CHST9: variants seen among roughly 807,000 people sequenced by gnomAD.
CHST9 encodes carbohydrate sulfotransferase 9.
In CHST9, 41 loss-of-function variants were observed where a neutral mutation model predicts 44.4. The observed-to-expected ratio is 0.92, with a 90% CI of 0.72 to 1.20. The LOEUF (loss-of-function observed/expected upper bound fraction) is 1.20, where lower values mean the gene tolerates loss of function less well. Ranked by LOEUF, CHST9 falls within the 50% of genes most tolerant of loss-of-function variation. The pLI is 0.00. For missense variants in CHST9, 504 were observed against 516.5 expected (o/e 0.98, Z 0.23); for synonymous variants, 171 against 178.4 (o/e 0.96, Z 0.33).
At chr18:27,113,527 C>T (rs2058293239) in intron 2 of CHST9, among the ~76,000 whole-genome samples, 1 of 152,138 alleles carries the variant, frequency 6.6e-6, no homozygotes, top group African/African-American at 2.4e-5. Context: ...AACCCCAAGG[C>T]CTTGGGAGGT....
At chr18:27,160,424 G>A (rs530084670) in intron 1 of CHST9, among the ~76,000 whole-genome samples, 17 of 152,236 alleles carry the variant, frequency 1.1e-4, no homozygotes, top group African/African-American at 2.2e-4. Flanking sequence ...ATTGATTTGC[G>A]TATGTTGAAC....
intron 2 of CHST9, among the ~76,000 whole-genome samples, chr18:27,112,259 G>GTGTA (rs1260804409): frequency 6.6e-6 from 1 of 151,288 alleles, no homozygotes; most frequent in Non-Finnish European, 1.5e-5. Flanking sequence ...AACCCAGGAT[G>GTGTA]TGTATGTGTG....
intron 3 of CHST9, 90 bp downstream of exon 3, chr18:27,048,375 G>A (rs2143560215): frequency 3.2e-6 from 3 of 927,876 alleles, no homozygotes; most frequent in African/African-American, 1.7e-5. Context: ...ATTAATTTTA[G>A]TGTGAATTTT....
chr18:26,922,122 G>A (rs930243139), intron 5 of CHST9, among the ~76,000 whole-genome samples: 1 of 152,086 alleles, frequency 6.6e-6, no homozygotes, highest in African/African-American at 2.4e-5. Context: ...GCTGGCATTT[G>A]CAGCCTGGTG....
chr18:27,105,583 CTT>C (rs944614187), intron 2 of CHST9, among the ~76,000 whole-genome samples: 5 of 152,124 alleles, frequency 3.3e-5, no homozygotes, highest in African/African-American at 1.2e-4. Flanking sequence ...AGGAAAGAAA[CTT>C]TTGAGAAATA....
At chr18:26,966,755 T>C (rs1342424042) in intron 4 of CHST9, among the ~76,000 whole-genome samples, 1 of 152,152 alleles carries the variant, frequency 6.6e-6, no homozygotes, top group Non-Finnish European at 1.5e-5. Context: ...TGTTATCAAC[T>C]GAACAAGTGA....
At chr18:27,146,197 C>T (rs1302270211) in intron 1 of CHST9, among the ~76,000 whole-genome samples, 1 of 152,136 alleles carries the variant, frequency 6.6e-6, no homozygotes, top group Non-Finnish European at 1.5e-5. Context: ...AGAATTTGCC[C>T]TTCCTTTCTT....
chr18:27,141,474 C>T (rs540236082), intron 2 of CHST9, among the ~76,000 whole-genome samples: 26 of 151,276 alleles, frequency 1.7e-4, no homozygotes, highest in African/African-American at 6.3e-4. Flanking sequence ...GCCTGTAGAC[C>T]CAGCTACTTG....
chr18:27,055,530 A>G (rs1356871808), intron 2 of CHST9, among the ~76,000 whole-genome samples: 1 of 152,186 alleles, frequency 6.6e-6, no homozygotes, highest in East Asian at 1.9e-4. Flanking sequence ...GCAGGGCCAG[A>G]CCTAAAACCC....
intron 2 of CHST9, among the ~76,000 whole-genome samples, chr18:27,120,464 T>C (rs1477540046): frequency 6.6e-6 from 1 of 152,170 alleles, no homozygotes; most frequent in Non-Finnish European, 1.5e-5. Flanking sequence ...TTGGTGGTTC[T>C]TGAGCCTAAT....
chr18:27,147,886 G>C (rs1021175292), intron 1 of CHST9: 7 of 137,984 alleles, frequency 5.1e-5, no homozygotes, highest in African/African-American at 1.9e-4. Context: ...TTACTTTTAA[G>C]TTCAGGGATA....
intron 4 of CHST9, among the ~76,000 whole-genome samples, chr18:26,945,740 T>C (rs1196872482): frequency 6.6e-6 from 1 of 152,232 alleles, no homozygotes; most frequent in Non-Finnish European, 1.5e-5. Context: ...TTGTACAGGT[T>C]ATTATGTGAA....
At chr18:26,977,790 A>T (rs2056641669) in intron 4 of CHST9, among the ~76,000 whole-genome samples, 1 of 152,182 alleles carries the variant, frequency 6.6e-6, no homozygotes, top group Admixed American at 6.5e-5. Flanking sequence ...TCCCATGAGC[A>T]AAAGTCTGAC....
At chr18:27,098,001 T>C (rs1243782618) in intron 2 of CHST9, among the ~76,000 whole-genome samples, 1 of 151,868 alleles carries the variant, frequency 6.6e-6, no homozygotes, top group African/African-American at 2.4e-5. Context: ...TAGTATAGTT[T>C]GAAGTCAGGT....
chr18:27,133,685 G>C (rs2058491034), intron 2 of CHST9, among the ~76,000 whole-genome samples: 1 of 152,248 alleles, frequency 6.6e-6, no homozygotes, highest in South Asian at 2.1e-4. Context: ...GTGCCATGAA[G>C]TAAATTTTAA....
rs139704087 is a variant in CHST9, at chr18:26,985,396, G to A, written c.202+38720C>T. ...ATTAAGACAAAATAGAATTAACTACGGTTTGCATGACACTGAACAGCAGGA... is the reference window on the plus strand; with the variant it reads ...ATTAAGACAAAATAGAATTAACTACAGTTTGCATGACACTGAACAGCAGGA... On this transcript the variant is annotated intron_variant, in intron 4 of 5. Coordinates refer to ENST00000618847, the MANE Select transcript of CHST9 (RefSeq NM_031422.6). 3.8e-3 allele frequency among the ~76,000 whole-genome samples: 586 copies of A among 152,216 alleles called. 3 individuals carry two copies. The highest frequency in any genetic ancestry group is 0.014 in the African/African-American group (570 of 41,534).
intron 2 of CHST9, among the ~76,000 whole-genome samples, chr18:27,086,995 C>G (rs1018947169): frequency 6.6e-6 from 1 of 152,006 alleles, no homozygotes; most frequent in African/African-American, 2.4e-5. Context: ...ATGATTTATG[C>G]ACAGCAGAAT....
intron 1 of CHST9, among the ~76,000 whole-genome samples, chr18:27,176,363 T>A (rs756422733): frequency 6.6e-5 from 10 of 151,950 alleles, no homozygotes; most frequent in Non-Finnish European, 1.5e-4. Flanking sequence ...CATGGAGACA[T>A]TGTTGTTTTT....
intron 4 of CHST9, among the ~76,000 whole-genome samples, chr18:27,021,778 C>A (rs1345385646): frequency 6.6e-6 from 1 of 152,176 alleles, no homozygotes; most frequent in Non-Finnish European, 1.5e-5. Flanking sequence ...CTCTCAGTAA[C>A]CCGTGTAAGC....
Sources: allele counts gnomAD v4.1 joint callset (sites outside exome capture counted in the v4.1 genomes callset), GRCh38; gene constraint gnomAD v4.1.1; transcripts MANE v1.5; gene names NCBI Gene and HGNC (gene_info 2026-07-23, HGNC 2026-07-21).